Variants in ZNF141 observed in about 807,000 individuals in gnomAD.
ZNF141 encodes the protein zinc finger protein 141.
Under a neutral mutation model 11.3 loss-of-function variants are expected in ZNF141, and 7 were observed. The ratio of observed to expected loss-of-function variants is 0.62; its 90% CI spans 0.35 to 1.16. ZNF141 has a LOEUF of 1.16. ZNF141 is among the 50% of genes most tolerant of loss of function. The pLI is 0.02. For synonymous variants in ZNF141, 183 were observed against 190.7 expected, an observed-to-expected ratio of 0.96 and a Z score of 0.33; for missense variants, 535 against 554.0, an observed-to-expected ratio of 0.97 and a Z score of 0.34.
chr4:364,623 T>C (rs1553852697), intron 3 of ZNF141, among the ~76,000 whole-genome samples: 1 of 152,172 alleles, frequency 6.6e-6, no homozygotes, highest in Non-Finnish European at 1.5e-5. Flanking sequence ...TAGAGTCCAC[T>C]CCAGACTCTC....
At chr4:346,029 C>T (rs1357059762) in intron 3 of ZNF141, among the ~76,000 whole-genome samples, 1 of 152,126 alleles carries the variant, frequency 6.6e-6, no homozygotes, top group Admixed American at 6.6e-5. Context: ...TGAGATGTAT[C>T]TCTCTGTAGC....
In ZNF141 at chr4:380,710, T is replaced by G. The variant is rs1560204375; in HGVS notation, c.*6848T>G. 6.6e-6 allele frequency among the ~76,000 whole-genome samples: 1 copy of G among 151,974 alleles called. No homozygotes were observed. ...AAAATTAATAGCATAGGTATTATTATCCTCATTTTACAGAGAAAGAAACAG... is the reference window on the plus strand; with the variant it reads ...AAAATTAATAGCATAGGTATTATTAGCCTCATTTTACAGAGAAAGAAACAG... On this transcript the variant is annotated 3_prime_UTR_variant, in exon 4 of 4. Transcript: ENST00000240499.
chr4:360,221 T>A (rs1348419471), intron 3 of ZNF141, among the ~76,000 whole-genome samples: 1 of 152,184 alleles, frequency 6.6e-6, no homozygotes, highest in East Asian at 1.9e-4. Flanking sequence ...AAAGTGTGGG[T>A]AGGGAGCCTC....
rs1263847993 is a variant in ZNF141 at position 377,402 on chromosome 4, C to G, written c.*3540C>G. ...TGCATGTGGAGAGGACGTCTGTTCT[C>G]AGGCTGCAGAACCAACTCATTATGA... On this transcript the variant is annotated 3_prime_UTR_variant, in exon 4 of 4. Transcript: ENST00000240499. Among the ~76,000 whole-genome samples, 1 of 152,206 alleles carries G rather than the reference C, an allele frequency of 6.6e-6. No homozygotes were observed. Among genetic ancestry groups the G allele is most frequent in the Non-Finnish European group, 1.5e-5 (1 of 68,030 alleles).
Position 383,275 on chromosome 4 carries a change from G to A in ZNF141, c.*9413G>A, listed in dbSNP as rs542369493. The stretch of plus-strand genomic sequence containing the variant: ...CTGAGCCCAGAAGAATGGCCCGGCT[G>A]AGCCCAGCCTAAATTTCTAACCAGC... On this transcript the variant is annotated 3_prime_UTR_variant, in exon 4 of 4. Transcript: ENST00000240499. 11 of 630,438 alleles carry A rather than the reference G, an allele frequency of 1.7e-5. No individual in the cohort carries two copies. The highest frequency in any genetic ancestry group is 1.6e-4 in the African/African-American group (9 of 54,618). The allele number at this position is 630,438 out of a possible 1,614,324, so 39.1% of individuals were successfully genotyped here.
At chr4:356,790 G>A (rs6825544) in intron 3 of ZNF141, among the ~76,000 whole-genome samples, 63,585 of 151,784 alleles carry the variant, frequency 0.42, 13,967 homozygotes, top group African/African-American at 0.56. Flanking sequence ...ACCATTTAGT[G>A]GTTTCTGTTT....
rs1302623533 is a variant in ZNF141 at position 377,196 on chromosome 4, G to A, written c.*3334G>A. ...TGAGTTTATTTTGCCAATTTGTTCA[G>A]GTAAGTACTTGGAAAACTTTGTCAG... On this transcript the variant is annotated 3_prime_UTR_variant, in exon 4 of 4. Transcript: ENST00000240499. Among the ~76,000 whole-genome samples, 1 of 152,052 alleles carries A rather than the reference G, an allele frequency of 6.6e-6. No homozygotes were observed. Among genetic ancestry groups the A allele is most frequent in the African/African-American group, 2.4e-5 (1 of 41,402 alleles).
At chr4:364,852 G>A (rs576656316) in intron 3 of ZNF141, among the ~76,000 whole-genome samples, 1 of 148,084 alleles carries the variant, frequency 6.8e-6, no homozygotes, top group Non-Finnish European at 1.5e-5. Flanking sequence ...GGAGAACCAC[G>A]ATTCTCTTCA....
Position 373,586 on chromosome 4 carries a change from T to A in ZNF141, c.1149T>A (p.Asn383Lys). The A allele has an allele frequency of 1.2e-6, 2 of 1,613,364 alleles. No homozygotes were observed. Among genetic ancestry groups the A allele is most frequent in the Non-Finnish European group, 1.7e-6 (2 of 1,179,848 alleles). ...CCTTTGGACGGTCCAGGGTCCTGAATGAACATAAAAAAATTCATACTGGAG... is the reference window on the plus strand; with the variant it reads ...CCTTTGGACGGTCCAGGGTCCTGAAAGAACATAAAAAAATTCATACTGGAG... Reference protein sequence around the residue: ...GKAFGRSRVLNEHKKIHTGEK... With the variant: ...GKAFGRSRVLKEHKKIHTGEK... The change falls in exon 4 of 4, where the codon AAT becomes AAA. Residue 383 changes from asparagine to lysine, a missense_variant. Asn to Lys is a moderately conservative substitution (Grantham distance 94). Transcript: ENST00000240499.
chr4:371,189 A>T (rs767792239), intron 3 of ZNF141, among the ~76,000 whole-genome samples: 86 of 150,242 alleles, frequency 5.7e-4, no homozygotes, highest in Non-Finnish European at 1.2e-3. Context: ...TATTCAGGTC[A>T]AATTTTAAAA....
At chr4:352,226 A>C (rs953737712) in intron 3 of ZNF141, among the ~76,000 whole-genome samples, 10 of 152,152 alleles carry the variant, frequency 6.6e-5, no homozygotes, top group African/African-American at 2.4e-4. Flanking sequence ...TCTCTACTAA[A>C]AATACAAAAA....
rs1461561584 is a variant in ZNF141, at chr4:384,117, T to C, written c.*10255T>C. On this transcript the variant is annotated 3_prime_UTR_variant, in exon 4 of 4. Transcript: ENST00000240499. ...GGATGCATGTGATTGGTACTTAAACTCACACAGTGCCCCATACCACAGGAG... is the reference window on the plus strand; with the variant it reads ...GGATGCATGTGATTGGTACTTAAACCCACACAGTGCCCCATACCACAGGAG... 1 of 152,186 alleles carries C rather than the reference T, an allele frequency of 6.6e-6. No individual in the cohort carries two copies. The highest frequency in any genetic ancestry group is 1.5e-5 in the Non-Finnish European group (1 of 68,034). 9.4% of individuals were successfully genotyped at this position (152,186 alleles called of 1,614,324 possible).
chr4:383,146 C>T lies in ZNF141; in HGVS notation c.*9284C>T, dbSNP rs1553855909. ...CCCATTTTAGCTTTCTGGAGAATAG[C>T]ATCTGAGAAAAGCCAAAGTGCCTCA... On this transcript the variant is annotated 3_prime_UTR_variant, in exon 4 of 4. Coordinates refer to ENST00000240499, the MANE Select transcript of ZNF141 (RefSeq NM_003441.4). 2.9e-6 allele frequency: 2 copies of T among 701,688 alleles called. No homozygotes were observed. Among genetic ancestry groups the T allele is most frequent in the Non-Finnish European group, 5.2e-6 (2 of 384,570 alleles). The allele number at this position is 701,688 out of a possible 1,614,324, so 43.5% of individuals were successfully genotyped here.
Position 377,907 on chromosome 4 carries a change from C to T in ZNF141, c.*4045C>T, listed in dbSNP as rs1712446853. On this transcript the variant is annotated 3_prime_UTR_variant, in exon 4 of 4. Coordinates refer to ENST00000240499, the MANE Select transcript of ZNF141 (RefSeq NM_003441.4). Reference sequence around the variant, plus strand: ...TAGGCCAGGTGGCGGTGGTTCACACCTGTAATCCCAGCACTTTGGGAGGCC... The same window carrying T: ...TAGGCCAGGTGGCGGTGGTTCACACTTGTAATCCCAGCACTTTGGGAGGCC... 1.3e-5 allele frequency: 2 copies of T among 152,118 alleles called. No homozygotes were observed. The highest frequency in any genetic ancestry group is 2.9e-5 in the Non-Finnish European group (2 of 68,030). 9.4% of individuals were successfully genotyped at this position (152,118 alleles called of 1,614,324 possible).
At chr4:365,755 A>G (rs148284414) in intron 3 of ZNF141, among the ~76,000 whole-genome samples, 14 of 152,344 alleles carry the variant, frequency 9.2e-5, no homozygotes, top group African/African-American at 3.1e-4. Flanking sequence ...GTTTATCCAA[A>G]TAGCTTTATA....
chr4:356,782 C>T (rs1313900615), intron 3 of ZNF141, among the ~76,000 whole-genome samples: 1 of 152,084 alleles, frequency 6.6e-6, no homozygotes, highest in East Asian at 1.9e-4. Context: ...GTTTACTGAC[C>T]ATTTAGTGGT....
chr4:343,475 C>A (rs1161545456), intron 1 of ZNF141, among the ~76,000 whole-genome samples: 2 of 152,110 alleles, frequency 1.3e-5, no homozygotes, highest in Non-Finnish European at 2.9e-5. Flanking sequence ...CCTGTAATCC[C>A]AGCACTGTGG....
At chr4:370,963 AC>A (rs1553853473) in intron 3 of ZNF141, among the ~76,000 whole-genome samples, 1 of 151,510 alleles carries the variant, frequency 6.6e-6, no homozygotes, top group African/African-American at 2.4e-5. Flanking sequence ...CACTCTCCTG[AC>A]CTCCTGATCC....
intron 1 of ZNF141, among the ~76,000 whole-genome samples, chr4:340,408 T>G (rs1374727890): frequency 6.6e-6 from 1 of 152,224 alleles, no homozygotes; most frequent in African/African-American, 2.4e-5. Flanking sequence ...TTTTTCCACC[T>G]CTTTCAGTGT....
Sources: gnomAD v4.1 joint callset for allele counts (sites outside exome capture counted in the v4.1 genomes callset) on GRCh38, gnomAD v4.1.1 for gene constraint, MANE v1.5 for transcripts, NCBI Gene and HGNC (gene_info 2026-07-23, HGNC 2026-07-21) for gene names.